SLC26A11: variants seen among roughly 807,000 people sequenced by gnomAD.
SLC26A11 encodes the protein solute carrier family 26 member 11.
SLC26A11 carries 58 observed loss-of-function variants against 62.2 expected under a neutral mutation model. That is an observed-to-expected ratio of 0.93 (90% CI 0.76 to 1.16). The LOEUF is 1.16. SLC26A11 is among the 50% of genes most tolerant of loss of function. The pLI is 0.00. For synonymous variants in SLC26A11, 411 were observed against 368.9 expected (o/e 1.11, Z -1.31); for missense variants, 790 against 794.3 (o/e 0.99, Z 0.06).
chr17:80,247,299 C>A (rs919056874), intron 13 of SLC26A11, among the ~76,000 whole-genome samples: 1 of 152,090 alleles, frequency 6.6e-6, no homozygotes, highest in East Asian at 1.9e-4. Flanking sequence ...ACCTTTCCCC[C>A]CTTTCTATTC....
intron 7 of SLC26A11, among the ~76,000 whole-genome samples, chr17:80,233,965 CTTTTT>C (rs568761150): frequency 4.1e-5 from 6 of 147,992 alleles, no homozygotes; most frequent in African/African-American, 1.5e-4. Context: ...GAATTCTAGA[CTTTTT>C]TTTTTCTTTC....
In SLC26A11 at chr17:80,222,717, T is replaced by C; in HGVS notation, c.297T>C (p.Asp99=). The C allele has an allele frequency of 6.2e-7, 1 of 1,614,060 alleles. No homozygotes were observed. Among genetic ancestry groups the C allele is most frequent in the East Asian group, 2.2e-5 (1 of 44,872 alleles). The change falls in exon 4 of 18, where the codon GAT becomes GAC. Residue 99 remains aspartate, a synonymous_variant. Coordinates refer to ENST00000361193, the MANE Select transcript of SLC26A11 (RefSeq NM_001166347.2). The surrounding 1 kb of genome is among the most constrained non-coding windows in gnomAD (Gnocchi z 4.7). ...FVYFFLGTSR[D]VTLGPTAIMS... ...ATTTCTTCCTGGGCACCTCCCGGGATGTGACTCTGGGCCCCACCGCCATTA... is the reference window on the plus strand; with the variant it reads ...ATTTCTTCCTGGGCACCTCCCGGGACGTGACTCTGGGCCCCACCGCCATTA...
chr17:80,249,204 G>A lies in SLC26A11; in HGVS notation c.1573G>A (p.Asp525Asn), dbSNP rs773944762. 63 of 1,610,854 alleles carry A rather than the reference G, an allele frequency of 3.9e-5. No individual in the cohort carries two copies. Among genetic ancestry groups the A allele is most frequent in the Non-Finnish European group, 4.9e-5 (58 of 1,179,966 alleles). Residue 525 changes from aspartate to asparagine, a missense_variant, in exon 16 of 18, where the codon GAC (aspartate) becomes AAC (asparagine). Asp to Asn is a conservative substitution (Grantham distance 23). Coordinates refer to ENST00000361193, the MANE Select transcript of SLC26A11 (RefSeq NM_001166347.2). Reference protein sequence around the residue: ...VLECTHVCSIDYTVVLGLGEL... With the variant: ...VLECTHVCSINYTVVLGLGEL... ...GGAGTGCACCCATGTCTGCAGCATC[G>A]ACTACACTGTGGTGCTGGGACTCGG...
intron 9 of SLC26A11, among the ~76,000 whole-genome samples, chr17:80,238,843 G>A (rs1436444720): frequency 4.9e-5 from 1 of 20,520 alleles, no homozygotes; most frequent in Non-Finnish European, 9.4e-5. Context: ...TTTTTTTTTT[G>A]GAGACAGAGT....
chr17:80,238,569 TC>T (rs999655310), intron 9 of SLC26A11, among the ~76,000 whole-genome samples: 2 of 152,196 alleles, frequency 1.3e-5, no homozygotes, highest in Admixed American at 1.3e-4. Flanking sequence ...GCTCCGTCCT[TC>T]ACTCGCTCCA....
rs756212450 is a variant in SLC26A11, at chr17:80,237,534, G to T, written c.925G>T (p.Gly309Trp). 3 of 1,610,938 alleles carry T rather than the reference G, an allele frequency of 1.9e-6. No homozygotes were observed. The African/African-American group carries it at 4.0e-5, about 22-fold the overall frequency. Residue 309 changes from glycine to tryptophan, a missense_variant, in exon 9 of 18, where the codon GGG (glycine) becomes TGG (tryptophan). Transcript: ENST00000361193. The stretch of plus-strand genomic sequence containing the variant: ...TCTCCTCTCTCAGGACATGGGAGCC[G>T]GGCTGGCCGTGGTGCCCCTGATGGG... ...FTEMVQDMGAGLAVVPLMGLL... is the reference protein window; with the variant it reads ...FTEMVQDMGAWLAVVPLMGLL...
At position 80,222,856 on chromosome 17, in the gene SLC26A11, C is replaced by G. The variant is rs370656122; in HGVS notation, c.427+9C>G. The G allele has an allele frequency of 2.7e-4, 442 of 1,612,946 alleles. 5 individuals carry two copies. The South Asian group carries it at 4.5e-3, about 16-fold the overall frequency. On this transcript the variant is annotated intron_variant, in intron 4 of 17. Transcript: ENST00000361193. The surrounding 1 kb of genome is among the most constrained non-coding windows in gnomAD (Gnocchi z 4.7). ...GGGGGTCCTGCGTTTGGGTGAGGCT[C>G]TACCTTCTTGCCAAGGGGATGCCCT...
intron 1 of SLC26A11, 61 bp downstream of exon 1, chr17:80,220,557 G>T (rs1194857259): frequency 1.7e-5 from 7 of 404,440 alleles, no homozygotes; most frequent in African/African-American, 1.3e-4. Context: ...GCGGACAGTG[G>T]CCGGGGTCGC....
chr17:80,231,564 A>G (rs1317402242), intron 7 of SLC26A11, among the ~76,000 whole-genome samples: 1 of 152,096 alleles, frequency 6.6e-6, no homozygotes, highest in African/African-American at 2.4e-5. Context: ...CACTCCTAGC[A>G]TTACTTTAGC....
Position 80,222,520 on chromosome 17 carries a change from A to G in SLC26A11, c.235-135A>G, listed in dbSNP as rs150159315. The G allele has an allele frequency of 6.5e-3, 5,820 of 892,404 alleles. 25 individuals carry two copies. The highest frequency in any genetic ancestry group is 8.2e-3 in the Non-Finnish European group (4,786 of 584,292). The allele number at this position is 892,404 out of a possible 1,614,324, so 55.3% of individuals were successfully genotyped here. ...TCCTGATCACTGCAGGTCCACCCAC[A>G]GGGCAGGGCGGTGCACCTTTAACCT... On this transcript the variant is annotated intron_variant, in intron 3 of 17. Transcript: ENST00000361193. This position sits in a 1 kb window ranked among gnomAD's most constrained non-coding sequence, Gnocchi z 4.7.
chr17:80,231,750 A>G (rs1323441311), intron 7 of SLC26A11, among the ~76,000 whole-genome samples: 2 of 152,238 alleles, frequency 1.3e-5, no homozygotes, highest in African/African-American at 4.8e-5. Flanking sequence ...GGGTTTCCCA[A>G]TTAGTACTTT....
chr17:80,252,711 G>C lies in SLC26A11; in HGVS notation c.1816G>C (p.Ala606Pro). The change falls in exon 18 of 18, where the codon GCA becomes CCA. Residue 606 changes from alanine (A) to proline (P), a missense_variant. By Grantham distance (27) the Ala-to-Pro change is conservative (BLOSUM62 -1). Coordinates refer to ENST00000361193, the MANE Select transcript of SLC26A11 (RefSeq NM_001166347.2). This position sits in a 1 kb window ranked among gnomAD's most constrained non-coding sequence, Gnocchi z 5.2. The part of the protein sequence containing the change: ...ILDQKVALLK[A>P] ...GGACCAAAAGGTTGCCCTGCTCAAG[G>C]CATAATGGGGCCACCCGTGGGCATC... 1 of 1,613,306 alleles carries C rather than the reference G, an allele frequency of 6.2e-7. No individual in the cohort carries two copies. Among genetic ancestry groups the C allele is most frequent in the Non-Finnish European group, 8.5e-7 (1 of 1,179,768 alleles).
In SLC26A11 at chr17:80,222,068, C is replaced by T. The variant is rs1464947089; in HGVS notation, c.234+274C>T. 1 of 430,560 alleles carries T rather than the reference C, an allele frequency of 2.3e-6. No homozygotes were observed. Among genetic ancestry groups the T allele is most frequent in the African/African-American group, 2.0e-5 (1 of 48,916 alleles). 26.7% of individuals were successfully genotyped at this position (430,560 alleles called of 1,614,324 possible). On this transcript the variant is annotated intron_variant, in intron 3 of 17. Transcript: ENST00000361193. The surrounding 1 kb of genome is among the most constrained non-coding windows in gnomAD (Gnocchi z 4.7). ...CCAGCCCGACCAAAATGGTGAAACC[C>T]CGTCTCCACTAAAAATACAAAAATT...
At chr17:80,220,775 C>A (rs71368061) in intron 1 of SLC26A11, 141 bp from the exon 2 acceptor site, 49,865 of 148,132 alleles carry the variant, frequency 0.34, 8,668 homozygotes, top group Admixed American at 0.48. Flanking sequence ...GGCCGGGGGC[C>A]GGGGAGTGGA....
Position 80,248,388 on chromosome 17 carries a change from G to A in SLC26A11, c.1422+131G>A. 6 of 1,365,808 alleles carry A rather than the reference G, an allele frequency of 4.4e-6. No individual in the cohort carries two copies. The South Asian group carries it at 7.1e-5, about 16-fold the overall frequency. 84.6% of individuals were successfully genotyped at this position (1,365,808 alleles called of 1,614,324 possible). ...AAGGGGACCGCTCGCTGGCAGGTGG[G>A]CAGTCACCTTGCTATAAACCATGGT... On this transcript the variant is annotated intron_variant, in intron 14 of 17. Transcript: ENST00000361193.
rs1555629117 is a variant in SLC26A11 at position 80,238,811 on chromosome 17, G to GGTTTTTTTTTTT, written c.985+1217_985+1218insGTTTTTTTTTTT. ...TCTAACCCTTACCCCCTTCAAAGGA[G>GGTTTTTTTTTTT]TTTTTTTTGTTTTTTGTTTTTTTTT... On this transcript the variant is annotated intron_variant, in intron 9 of 17. Transcript: ENST00000361193. 1.3e-4 allele frequency among the ~76,000 whole-genome samples: 16 copies of GGTTTTTTTTTTT among 123,260 alleles called. 1 individual carries two copies. The highest frequency in any genetic ancestry group is 4.8e-4 in the African/African-American group (14 of 29,228). 80.9% of individuals were successfully genotyped at this position (123,260 alleles called of 152,430 possible).
At chr17:80,227,313 C>A (rs2042438700) in intron 6 of SLC26A11, among the ~76,000 whole-genome samples, 1 of 152,224 alleles carries the variant, frequency 6.6e-6, no homozygotes, top group African/African-American at 2.4e-5. Context: ...CAGACTTGTT[C>A]TAGAGCCACC....
intron 7 of SLC26A11, chr17:80,236,719 C>T (rs935776682): frequency 4.0e-5 from 22 of 552,880 alleles, no homozygotes; most frequent in East Asian, 5.7e-5. Flanking sequence ...TGCACCTGTC[C>T]GCAGCCTGCA....
Position 80,222,951 on chromosome 17 carries a change from GGGTA to G in SLC26A11, c.427+105_427+108del. ...TGCGTGTGTGTGCGTGTTGGGGTGT[GGGTA>G]TGTATGTGTGTGTGTGTAGGTGGGT... On this transcript the variant is annotated intron_variant, in intron 4 of 17. Coordinates refer to ENST00000361193, the MANE Select transcript of SLC26A11 (RefSeq NM_001166347.2). This position sits in a 1 kb window ranked among gnomAD's most constrained non-coding sequence, Gnocchi z 4.7. The G allele has an allele frequency of 8.1e-7, 1 of 1,240,024 alleles. No homozygotes were observed. The highest frequency in any genetic ancestry group is 2.0e-5 in the Admixed American group (1 of 48,868). 76.8% of individuals were successfully genotyped at this position (1,240,024 alleles called of 1,614,324 possible).
Sources: allele counts gnomAD v4.1 joint callset (sites outside exome capture counted in the v4.1 genomes callset), GRCh38; gene constraint gnomAD v4.1.1; non-coding constraint Gnocchi (gnomAD v3.1); transcripts MANE v1.5; gene names NCBI Gene and HGNC (gene_info 2026-07-23, HGNC 2026-07-21).